OR51B5: variants seen among roughly 807,000 people sequenced by gnomAD.
OR51B5 encodes the protein olfactory receptor family 51 subfamily B member 5.
For synonymous variants in OR51B5, 186 were observed against 144.8 expected, an observed-to-expected ratio of 1.28 and a Z score of -2.04; for missense variants, 456 against 374.6, an observed-to-expected ratio of 1.22 and a Z score of -1.79.
intron 1 of OR51B5, among the ~76,000 whole-genome samples, chr11:5,462,043 A>C (rs77639761): frequency 0.011 from 1,716 of 152,302 alleles, 32 homozygotes; most frequent in African/African-American, 0.039. Context: ...TAGGCTCGTT[A>C]GGCCTTCCTC....
At chr11:5,492,485 T>C (rs1429684250) in intron 1 of OR51B5, among the ~76,000 whole-genome samples, 1 of 152,174 alleles carries the variant, frequency 6.6e-6, no homozygotes, top group Non-Finnish European at 1.5e-5. Context: ...ATTCTCTTAA[T>C]TTTTCTCTCT....
chr11:5,352,143 C>G, intron 1 of OR51B5: 3 of 1,614,202 alleles, frequency 1.9e-6, no homozygotes, highest in East Asian at 4.5e-5. Flanking sequence ...TTCTCATCAT[C>G]TTTTTCTCCT....
exon 1 of OR51B5, chr11:5,343,180 G>A: frequency 6.2e-7 from 1 of 1,613,856 alleles, no homozygotes; most frequent in East Asian, 2.2e-5. Context: ...CATAGGCCAT[G>A]GCAAGCAGAA....
intron 1 of OR51B5, chr11:5,403,223 T>C: frequency 2.1e-6 from 1 of 471,400 alleles, no homozygotes; most frequent in Non-Finnish European, 4.4e-6. Flanking sequence ...CCTCTACTTT[T>C]GGGCTGGATT....
intron 1 of OR51B5, chr11:5,505,411 A>G: frequency 7.7e-7 from 1 of 1,304,268 alleles, no homozygotes; most frequent in Non-Finnish European, 1.0e-6. Context: ...TAGCACCACC[A>G]TAAACAATAG....
At chr11:5,375,326 G>A (rs1397831403) in intron 1 of OR51B5, among the ~76,000 whole-genome samples, 1 of 151,526 alleles carries the variant, frequency 6.6e-6, no homozygotes, top group East Asian at 1.9e-4. Flanking sequence ...AAGAGCTCCT[G>A]AAGGAAGCAC....
At chr11:5,436,212 A>G (rs1850590210) in intron 1 of OR51B5, among the ~76,000 whole-genome samples, 2 of 152,202 alleles carry the variant, frequency 1.3e-5, no homozygotes, top group African/African-American at 4.8e-5. Flanking sequence ...GGTTGGGATC[A>G]GTATGACAGG....
chr11:5,488,193 G>C (rs1030905597), intron 1 of OR51B5, among the ~76,000 whole-genome samples: 3 of 152,150 alleles, frequency 2.0e-5, no homozygotes, highest in Non-Finnish European at 4.4e-5. Context: ...AATTTTGTAA[G>C]ATAGTGGAAG....
intron 1 of OR51B5, among the ~76,000 whole-genome samples, chr11:5,376,225 C>G (rs919910293): frequency 2.0e-5 from 3 of 151,758 alleles, no homozygotes; most frequent in Non-Finnish European, 2.9e-5. Context: ...GGGTACATAA[C>G]GAAATGAAGG....
At chr11:5,489,289 A>T (rs774642464) in intron 1 of OR51B5, 2 of 1,613,196 alleles carry the variant, frequency 1.2e-6, no homozygotes, top group South Asian at 2.2e-5. Context: ...CTGTGCCAAC[A>T]TCACTGTCAA....
intron 1 of OR51B5, among the ~76,000 whole-genome samples, chr11:5,480,387 G>T (rs974546612): frequency 1.2e-4 from 18 of 151,858 alleles, no homozygotes; most frequent in South Asian, 2.1e-4. Context: ...TAGCACTAAA[G>T]GCCCACAAGA....
At chr11:5,383,558 T>C (rs764284050) in intron 1 of OR51B5, among the ~76,000 whole-genome samples, 43 of 152,338 alleles carry the variant, frequency 2.8e-4, no homozygotes, top group South Asian at 8.3e-4. Context: ...TGATAAGTGA[T>C]ATGAATTGAC....
chr11:5,441,373 G>C, intron 1 of OR51B5: 1 of 1,613,952 alleles, frequency 6.2e-7, no homozygotes, highest in Non-Finnish European at 8.5e-7. Context: ...ACCAGAGTGA[G>C]AATGCTGAGG....
At chr11:5,453,513 C>G (rs771779740) in intron 1 of OR51B5, 8 of 1,572,166 alleles carry the variant, frequency 5.1e-6, no homozygotes, top group Non-Finnish European at 6.9e-6. Context: ...TGTCACTCAC[C>G]CTGCATTCTT....
chr11:5,432,743 T>A (rs1498485), intron 1 of OR51B5, among the ~76,000 whole-genome samples: 33,427 of 152,066 alleles, frequency 0.22, 3,798 homozygotes, highest in East Asian at 0.4. Flanking sequence ...GAGAGAAAAA[T>A]TGAATAACAG....
chr11:5,345,272 CAAGAGACAAGAA>C (rs1320456803), upstream of OR51B5, among the ~76,000 whole-genome samples: 5 of 151,818 alleles, frequency 3.3e-5, no homozygotes, highest in Admixed American at 3.3e-4. Context: ...GAAGACTAAG[CAAGAGACAAGAA>C]AAGAGATGAG....
intron 1 of OR51B5, chr11:5,352,070 C>T (rs1342025251): frequency 1.2e-6 from 2 of 1,614,104 alleles, no homozygotes; most frequent in Admixed American, 1.7e-5. Flanking sequence ...CTAGCCTGTG[C>T]TGACATCACC....
intron 1 of OR51B5, among the ~76,000 whole-genome samples, chr11:5,394,878 C>T (rs1406755242): frequency 1.3e-5 from 2 of 152,162 alleles, no homozygotes; most frequent in Non-Finnish European, 2.9e-5. Flanking sequence ...AGCTTGTGAT[C>T]TTTACATACT....
intron 1 of OR51B5, chr11:5,440,843 C>A (rs758413225): frequency 2.9e-5 from 47 of 1,613,810 alleles, no homozygotes; most frequent in Non-Finnish European, 3.8e-5. Flanking sequence ...GCATGGCTCT[C>A]AGGATCAATG....
Sources: allele counts gnomAD v4.1 joint callset (sites outside exome capture counted in the v4.1 genomes callset), GRCh38; gene constraint gnomAD v4.1.1; transcripts MANE v1.5; gene names NCBI Gene and HGNC (gene_info 2026-07-23, HGNC 2026-07-21).